The following LSAMP variants were observed in gnomAD, a reference collection of about 807,000 sequenced individuals.
LSAMP encodes the protein limbic system-associated membrane protein.
In LSAMP, 7 loss-of-function variants were observed where a neutral mutation model predicts 38.6. That is an observed-to-expected ratio of 0.18 (90% confidence interval 0.10 to 0.34). The LOEUF is 0.34. Ranked by LOEUF, LSAMP falls within the 10% of genes least tolerant of loss-of-function variation. LSAMP has a pLI of 1.00. For missense variants in LSAMP, 313 were observed against 420.0 expected (o/e 0.75, Z 2.23); for synonymous variants, 154 against 166.8 (o/e 0.92, Z 0.59).
At chr3:116,018,878 T>G (rs1411048162) in intron 3 of LSAMP, among the ~76,000 whole-genome samples, 1 of 152,150 alleles carries the variant, frequency 6.6e-6, no homozygotes, top group Non-Finnish European at 1.5e-5. Context: ...GGACTCATAA[T>G]GAGTTCATGC....
chr3:115,986,183 G>C (rs972391241), intron 3 of LSAMP, among the ~76,000 whole-genome samples: 3 of 152,124 alleles, frequency 2.0e-5, no homozygotes, highest in Admixed American at 6.6e-5. Context: ...CCTCTTAGTT[G>C]ATAAAAGAAA....
chr3:116,215,431 AC>A (rs976650253), intron 1 of LSAMP, among the ~76,000 whole-genome samples: 3 of 149,838 alleles, frequency 2.0e-5, no homozygotes, highest in African/African-American at 7.3e-5. Context: ...CTGCCTTAGG[AC>A]CTTTTTTTTT....
At chr3:116,172,242 T>C (rs1431464728) in intron 1 of LSAMP, among the ~76,000 whole-genome samples, 2 of 152,000 alleles carry the variant, frequency 1.3e-5, no homozygotes, top group East Asian at 3.9e-4. Context: ...AGTTTATATG[T>C]AGTTTATATG....
intron 3 of LSAMP, among the ~76,000 whole-genome samples, chr3:115,984,266 T>A (rs996225637): frequency 1.3e-5 from 2 of 152,074 alleles, no homozygotes; most frequent in Non-Finnish European, 2.9e-5. Flanking sequence ...ATGGGAAACA[T>A]GATCAATTCA....
chr3:116,252,539 G>A (rs984743278), intron 1 of LSAMP, among the ~76,000 whole-genome samples: 3 of 152,008 alleles, frequency 2.0e-5, no homozygotes, highest in African/African-American at 7.2e-5. Context: ...AAAAAAAATA[G>A]AAGGAACACT....
intron 2 of LSAMP, among the ~76,000 whole-genome samples, chr3:116,067,653 C>T (rs2107372320): frequency 6.6e-6 from 1 of 152,264 alleles, no homozygotes; most frequent in South Asian, 2.1e-4. Flanking sequence ...CAGGTTTTCT[C>T]CCCTTTTTAA....
intron 1 of LSAMP, among the ~76,000 whole-genome samples, chr3:116,317,643 C>T (rs1350849235): frequency 6.6e-6 from 1 of 151,842 alleles, no homozygotes; most frequent in African/African-American, 2.4e-5. Context: ...GCGTGAGCCC[C>T]CGCGCCCGGC....
intron 2 of LSAMP, among the ~76,000 whole-genome samples, chr3:116,078,648 A>G (rs1218689456): frequency 6.6e-6 from 1 of 152,294 alleles, no homozygotes; most frequent in East Asian, 1.9e-4. Context: ...CTTAATAAAT[A>G]GTGCCTAATT....
At chr3:116,370,279 A>G (rs1189696245) in intron 1 of LSAMP, among the ~76,000 whole-genome samples, 2 of 152,206 alleles carry the variant, frequency 1.3e-5, no homozygotes, top group Non-Finnish European at 2.9e-5. Context: ...GTAATTAAGA[A>G]TTCAACAAGA....
intron 3 of LSAMP, among the ~76,000 whole-genome samples, chr3:115,929,355 G>C (rs565685559): frequency 1.4e-4 from 22 of 152,178 alleles, no homozygotes; most frequent in African/African-American, 5.3e-4. Context: ...ATCTAGGCAA[G>C]GTTAGAAGGT....
In LSAMP at chr3:115,876,509, T is replaced by G. The variant is rs563228954; in HGVS notation, c.515-23892A>C. On this transcript the variant is annotated intron_variant, in intron 3 of 6. Coordinates refer to ENST00000490035, the MANE Select transcript of LSAMP (RefSeq NM_002338.5). ...TCTGCCACTGAGTACGAGGTTACTA[T>G]TGATTTCTATCTTACTCTTTTACTC... Among the ~76,000 whole-genome samples, 7 of 152,110 alleles carry G rather than the reference T, an allele frequency of 4.6e-5. No homozygotes were observed. The South Asian group carries it at 1.4e-3, about 31-fold the overall frequency.
intron 3 of LSAMP, among the ~76,000 whole-genome samples, chr3:116,002,281 C>T (rs2107660771): frequency 6.6e-6 from 1 of 152,096 alleles, no homozygotes; most frequent in Middle Eastern, 3.4e-3. Flanking sequence ...CTTCTGTTTC[C>T]TAGAGCTTGC....
chr3:116,015,045 C>T (rs775879940), intron 3 of LSAMP, among the ~76,000 whole-genome samples: 33 of 152,132 alleles, frequency 2.2e-4, no homozygotes, highest in Non-Finnish European at 4.7e-4. Flanking sequence ...GGATTTCATG[C>T]TCTTCAGACT....
intron 3 of LSAMP, among the ~76,000 whole-genome samples, chr3:115,860,010 G>T (rs1576157583): frequency 6.6e-6 from 1 of 152,148 alleles, no homozygotes; most frequent in Non-Finnish European, 1.5e-5. Flanking sequence ...AATAGCTATG[G>T]TTACATTGTA....
At chr3:116,372,361 G>T (rs1254625243) in intron 1 of LSAMP, among the ~76,000 whole-genome samples, 1 of 151,928 alleles carries the variant, frequency 6.6e-6, no homozygotes, top group Non-Finnish European at 1.5e-5. Context: ...ACTGGATGTT[G>T]AAATTCAAAT....
At chr3:116,126,365 A>G (rs957112813) in intron 1 of LSAMP, among the ~76,000 whole-genome samples, 2 of 152,244 alleles carry the variant, frequency 1.3e-5, no homozygotes, top group African/African-American at 4.8e-5. Context: ...TAAATGGGCC[A>G]TGCCCAAAGT....
intron 1 of LSAMP, among the ~76,000 whole-genome samples, chr3:116,327,982 T>C (rs1267774373): frequency 2.6e-5 from 4 of 152,132 alleles, no homozygotes; most frequent in Non-Finnish European, 5.9e-5. Context: ...CTGTTCCTTA[T>C]TTCTGAGGCA....
At chr3:116,039,742 A>C (rs2107714998) in intron 2 of LSAMP, among the ~76,000 whole-genome samples, 1 of 152,252 alleles carries the variant, frequency 6.6e-6, no homozygotes, top group East Asian at 1.9e-4. Flanking sequence ...CCACAGGAAA[A>C]CCTTTGAGAG....
chr3:116,054,570 C>T (rs139813190), intron 2 of LSAMP, among the ~76,000 whole-genome samples: 20 of 151,786 alleles, frequency 1.3e-4, no homozygotes, highest in Middle Eastern at 3.4e-3. Context: ...CAAAGTAGCC[C>T]GAGAGAAAAG....
Sources: gnomAD v4.1 joint callset for allele counts (sites outside exome capture counted in the v4.1 genomes callset) on GRCh38, gnomAD v4.1.1 for gene constraint, MANE v1.5 for transcripts, NCBI Gene and HGNC (gene_info 2026-07-23, HGNC 2026-07-21) for gene names.